SHANK2: variants seen among roughly 807,000 people sequenced by gnomAD.
SHANK2 encodes the protein SH3 and multiple ankyrin repeat domains protein 2.
In SHANK2, 43 loss-of-function variants were observed where a neutral mutation model predicts 133.7. That is an observed-to-expected ratio of 0.32 (90% CI 0.25 to 0.41). The LOEUF is 0.41. SHANK2 is among the 10% of genes least tolerant of loss of function. SHANK2 has a pLI of 1.00. For missense variants in SHANK2, 1,994 were observed against 2,235.8 expected (o/e 0.89, Z 2.18); for synonymous variants, 1,017 against 952.8 (o/e 1.07, Z -1.24).
At chr11:70,497,643 A>T (rs1195752354) in intron 21 of SHANK2, among the ~76,000 whole-genome samples, 1 of 152,162 alleles carries the variant, frequency 6.6e-6, no homozygotes, top group Non-Finnish European at 1.5e-5. Flanking sequence ...CCAGCCCATG[A>T]GCTGACTCTG....
intron 11 of SHANK2, among the ~76,000 whole-genome samples, chr11:70,883,010 G>A (rs1949680931): frequency 6.6e-6 from 1 of 152,174 alleles, no homozygotes; most frequent in Non-Finnish European, 1.5e-5. Context: ...AGAGAGAGAA[G>A]CAGTGTTATG....
chr11:70,563,581 C>T (rs1278261418), intron 17 of SHANK2, among the ~76,000 whole-genome samples: 1 of 148,096 alleles, frequency 6.8e-6, no homozygotes. Context: ...TTTTGTTGCC[C>T]AGGCTAGAGT....
chr11:70,929,238 T>C (rs1950469847), intron 10 of SHANK2, among the ~76,000 whole-genome samples: 1 of 152,220 alleles, frequency 6.6e-6, no homozygotes, highest in Admixed American at 6.5e-5. Flanking sequence ...TGCCGAGGTT[T>C]AAATGTGGCT....
At chr11:70,932,621 A>G (rs1555082699) in intron 10 of SHANK2, among the ~76,000 whole-genome samples, 1 of 152,250 alleles carries the variant, frequency 6.6e-6, no homozygotes, top group Non-Finnish European at 1.5e-5. Context: ...AATCTTCTGC[A>G]CACACTGACC....
intron 15 of SHANK2, among the ~76,000 whole-genome samples, chr11:70,670,771 G>C (rs908014179): frequency 6.6e-6 from 1 of 152,194 alleles, no homozygotes; most frequent in Non-Finnish European, 1.5e-5. Context: ...CCTGCTCCTG[G>C]GGAGGCCATT....
At chr11:71,071,516 T>C (rs960383919) in intron 9 of SHANK2, among the ~76,000 whole-genome samples, 2 of 152,200 alleles carry the variant, frequency 1.3e-5, no homozygotes, top group African/African-American at 4.8e-5. Flanking sequence ...GAAGGCATAA[T>C]AACTGCCTGG....
intron 14 of SHANK2, among the ~76,000 whole-genome samples, chr11:70,762,483 A>G (rs1947016087): frequency 6.6e-6 from 1 of 152,152 alleles, no homozygotes; most frequent in Non-Finnish European, 1.5e-5. Flanking sequence ...TCTGAGGGCC[A>G]TGGTGAGAGT....
At chr11:71,064,071 C>T (rs1461422952) in intron 9 of SHANK2, among the ~76,000 whole-genome samples, 2 of 152,108 alleles carry the variant, frequency 1.3e-5, no homozygotes, top group African/African-American at 4.8e-5. Context: ...TTCCCCAGAC[C>T]CCATCATTTC....
intron 14 of SHANK2, among the ~76,000 whole-genome samples, chr11:70,733,692 G>A (rs781805640): frequency 1.3e-5 from 2 of 152,246 alleles, no homozygotes; most frequent in Non-Finnish European, 2.9e-5. Context: ...CCCTGGCCTA[G>A]GTCATGGAGA....
chr11:71,248,914 C>T (rs1050096889), intron 1 of SHANK2, among the ~76,000 whole-genome samples: 4 of 152,328 alleles, frequency 2.6e-5, no homozygotes, highest in Non-Finnish European at 4.4e-5. Flanking sequence ...TCCAGTCACG[C>T]CTCTTCCTCC....
intron 2 of SHANK2, among the ~76,000 whole-genome samples, chr11:71,178,125 A>G (rs782584334): frequency 5.3e-5 from 8 of 152,224 alleles, no homozygotes; most frequent in Non-Finnish European, 8.8e-5. Flanking sequence ...AGCTTTGTAC[A>G]TGAATGTTCA....
chr11:71,194,275 T>G (rs1953853822), intron 2 of SHANK2, among the ~76,000 whole-genome samples: 1 of 152,168 alleles, frequency 6.6e-6, no homozygotes. Context: ...CGGGGACAAC[T>G]AAGCAGTGGG....
chr11:70,913,651 G>T (rs1052611810), intron 10 of SHANK2, among the ~76,000 whole-genome samples: 2 of 152,188 alleles, frequency 1.3e-5, no homozygotes, highest in Non-Finnish European at 2.9e-5. Flanking sequence ...AGGCCTCAGA[G>T]TTCCCACTTT....
At chr11:70,677,210 C>T (rs374872685) in intron 15 of SHANK2, among the ~76,000 whole-genome samples, 14 of 152,192 alleles carry the variant, frequency 9.2e-5, no homozygotes, top group South Asian at 2.1e-4. Context: ...TGAGGCCAGA[C>T]GCTGCCTCTG....
intron 9 of SHANK2, among the ~76,000 whole-genome samples, chr11:71,070,934 G>T (rs1258747940): frequency 6.6e-6 from 1 of 152,216 alleles, no homozygotes; most frequent in Non-Finnish European, 1.5e-5. Context: ...CTGAGGCATA[G>T]GACAGATATG....
intron 17 of SHANK2, among the ~76,000 whole-genome samples, chr11:70,537,301 C>G (rs983974670): frequency 4.6e-5 from 7 of 152,222 alleles, no homozygotes; most frequent in African/African-American, 1.7e-4. Context: ...GTCCTAGTCC[C>G]CGGAACCTGT....
intron 17 of SHANK2, among the ~76,000 whole-genome samples, chr11:70,638,945 C>T (rs534803190): frequency 1.3e-4 from 20 of 151,658 alleles, no homozygotes; most frequent in African/African-American, 4.1e-4. Flanking sequence ...TGCAGTGAGC[C>T]GAGACCATGC....
intron 14 of SHANK2, among the ~76,000 whole-genome samples, chr11:70,710,990 T>A (rs1555025971): frequency 6.6e-6 from 1 of 152,088 alleles, no homozygotes; most frequent in African/African-American, 2.4e-5. Flanking sequence ...AAGACAGAGA[T>A]TGAAAAAGAG....
intron 11 of SHANK2, among the ~76,000 whole-genome samples, chr11:70,886,854 G>A (rs1293660572): frequency 3.3e-5 from 5 of 151,808 alleles, no homozygotes; most frequent in African/African-American, 4.8e-5. Context: ...TTCCTTCGTC[G>A]GCTAATCAGG....
Sources: gnomAD v4.1 joint callset for allele counts (sites outside exome capture counted in the v4.1 genomes callset) on GRCh38, gnomAD v4.1.1 for gene constraint, MANE v1.5 for transcripts, NCBI Gene and HGNC (gene_info 2026-07-23, HGNC 2026-07-21) for gene names.